SLC38A4: variants seen among roughly 807,000 people sequenced by gnomAD.
The protein encoded by SLC38A4 is solute carrier family 38 member 4.
A neutral mutation model predicts 63.1 loss-of-function variants in SLC38A4; 20 were observed. That is an observed-to-expected ratio of 0.32 (90% CI 0.22 to 0.46). The LOEUF (loss-of-function observed/expected upper bound fraction) is 0.46, where lower values mean the gene tolerates loss of function less well. Ranked by LOEUF, SLC38A4 falls within the 20% of genes least tolerant of loss-of-function variation. The probability of loss-of-function intolerance (pLI) is 1.00; values close to 1 mark genes in which losing one functional copy is unlikely to be tolerated. For missense variants in SLC38A4, 526 were observed against 663.6 expected (o/e 0.79, Z 2.28); for synonymous variants, 230 against 225.5 (o/e 1.02, Z -0.18).
At chr12:46,787,000 T>A (rs1938775022) in intron 5 of SLC38A4, among the ~76,000 whole-genome samples, 1 of 152,212 alleles carries the variant, frequency 6.6e-6, no homozygotes, top group Non-Finnish European at 1.5e-5. Flanking sequence ...TGCTGCCAAC[T>A]ATATCCTGGA....
At chr12:46,809,873 C>G (rs1939305399) in intron 1 of SLC38A4, among the ~76,000 whole-genome samples, 1 of 151,780 alleles carries the variant, frequency 6.6e-6, no homozygotes, top group Non-Finnish European at 1.5e-5. Context: ...TAAGTATTCT[C>G]CTTTTTTGTT....
chr12:46,774,584 C>T (rs908271585), intron 14 of SLC38A4, among the ~76,000 whole-genome samples: 12 of 151,938 alleles, frequency 7.9e-5, no homozygotes, highest in African/African-American at 2.7e-4. Flanking sequence ...ACATGAATCC[C>T]CTTTTCATTA....
upstream of SLC38A4, among the ~76,000 whole-genome samples, chr12:46,826,994 T>C (rs552192418): frequency 1.3e-5 from 2 of 152,356 alleles, no homozygotes; most frequent in South Asian, 4.1e-4. Context: ...AGTGTCTGTT[T>C]ATACCAGGCA....
chr12:46,779,699 T>G (rs775012071), intron 9 of SLC38A4, 30 bp from the exon 10 acceptor site: 1 of 1,595,236 alleles, frequency 6.3e-7, no homozygotes, highest in East Asian at 2.2e-5. Flanking sequence ...TTTTGGAAGG[T>G]GAATATGGCA....
At chr12:46,817,213 G>C (rs184042432) in intron 1 of SLC38A4, among the ~76,000 whole-genome samples, 16 of 152,022 alleles carry the variant, frequency 1.1e-4, no homozygotes, top group Non-Finnish European at 1.9e-4. Context: ...AAAGTTTCTA[G>C]AGTGGTTCTG....
At chr12:46,818,099 T>A (rs1416016556) in intron 1 of SLC38A4, among the ~76,000 whole-genome samples, 2 of 151,940 alleles carry the variant, frequency 1.3e-5, no homozygotes, top group African/African-American at 4.8e-5. Flanking sequence ...ACCTGCATGT[T>A]CATCTGTCAT....
chr12:46,788,909 CTA>C (rs1938822807), intron 3 of SLC38A4, among the ~76,000 whole-genome samples: 1 of 152,182 alleles, frequency 6.6e-6, no homozygotes, highest in Admixed American at 6.5e-5. Context: ...ATGCAAGAGA[CTA>C]CAACTAATTG....
intron 1 of SLC38A4, among the ~76,000 whole-genome samples, chr12:46,812,101 A>G (rs905826115): frequency 6.6e-6 from 1 of 152,074 alleles, no homozygotes; most frequent in African/African-American, 2.4e-5. Context: ...CTTAATTTGC[A>G]AGCATTTATA....
chr12:46,791,078 T>G (rs556810582), intron 3 of SLC38A4, among the ~76,000 whole-genome samples: 1 of 152,276 alleles, frequency 6.6e-6, no homozygotes, highest in African/African-American at 2.4e-5. Flanking sequence ...ACTATGACAG[T>G]TCTTAGGAGG....
At chr12:46,820,999 C>T (rs1437764803) in intron 1 of SLC38A4, among the ~76,000 whole-genome samples, 7 of 151,940 alleles carry the variant, frequency 4.6e-5, no homozygotes, top group Non-Finnish European at 8.8e-5. Flanking sequence ...TATTCAAGTC[C>T]TTCGATCCTT....
intron 2 of SLC38A4, among the ~76,000 whole-genome samples, chr12:46,802,257 G>A (rs939595540): frequency 6.6e-6 from 1 of 151,958 alleles, no homozygotes; most frequent in Non-Finnish European, 1.5e-5. Context: ...AATGCACAGG[G>A]ATATGTAGCA....
At chr12:46,831,214 C>T (rs1399847095) in intron 1 of SLC38A4, among the ~76,000 whole-genome samples, 1 of 152,212 alleles carries the variant, frequency 6.6e-6, no homozygotes, top group Non-Finnish European at 1.5e-5. Context: ...AGTACCTCAC[C>T]GCGCGCTGCC....
intron 1 of SLC38A4, among the ~76,000 whole-genome samples, chr12:46,810,069 A>G (rs1214448078): frequency 6.6e-6 from 1 of 152,020 alleles, no homozygotes; most frequent in Admixed American, 6.6e-5. Flanking sequence ...GTCCTGCTAT[A>G]TATTAAAATG....
intron 3 of SLC38A4, among the ~76,000 whole-genome samples, chr12:46,791,882 G>C (rs765100399): frequency 1.3e-5 from 2 of 152,080 alleles, no homozygotes; most frequent in African/African-American, 2.4e-5. Context: ...ACGGAGAAAG[G>C]GGGAGCAGGT....
chr12:46,824,184 A>G (rs983396752), intron 1 of SLC38A4: 4 of 152,208 alleles, frequency 2.6e-5, no homozygotes, highest in African/African-American at 7.2e-5. Context: ...TTGCAGAGGC[A>G]TTGTTTTGAT....
chr12:46,795,806 T>A (rs773176473), intron 2 of SLC38A4, among the ~76,000 whole-genome samples: 1 of 151,804 alleles, frequency 6.6e-6, no homozygotes, highest in Non-Finnish European at 1.5e-5. Context: ...TCTTTATAGA[T>A]AATTTATCGA....
chr12:46,801,863 A>G (rs930744789), intron 2 of SLC38A4, among the ~76,000 whole-genome samples: 3 of 152,102 alleles, frequency 2.0e-5, no homozygotes, highest in East Asian at 1.9e-4. Flanking sequence ...AAAAGTATTC[A>G]GTCTGAGGTA....
intron 2 of SLC38A4, among the ~76,000 whole-genome samples, chr12:46,803,231 G>T (rs1200715020): frequency 6.6e-6 from 1 of 151,948 alleles, no homozygotes. Context: ...ATGTATTTCT[G>T]AACTTTCATA....
chr12:46,807,566 C>T (rs1468150456), intron 1 of SLC38A4, among the ~76,000 whole-genome samples: 1 of 151,828 alleles, frequency 6.6e-6, no homozygotes, highest in East Asian at 1.9e-4. Context: ...AATTTGTGAT[C>T]TTTTTTGATG....
Sources: allele counts gnomAD v4.1 joint callset (sites outside exome capture counted in the v4.1 genomes callset), GRCh38; gene constraint gnomAD v4.1.1; transcripts MANE v1.5; gene names NCBI Gene and HGNC (gene_info 2026-07-23, HGNC 2026-07-21).